CDH13: variants seen among roughly 807,000 people sequenced by gnomAD.
The protein encoded by CDH13 is cadherin-13.
In CDH13, 24 loss-of-function variants were observed where a neutral mutation model predicts 63.8. That is an observed-to-expected ratio of 0.38 (90% CI 0.27 to 0.53). CDH13 has a LOEUF of 0.53. Among genes scored for constraint, CDH13 ranks in the 20% least tolerant of loss-of-function variants. The pLI is 0.85. For synonymous variants in CDH13, 503 were observed against 355.3 expected (o/e 1.42, Z -4.67); for missense variants, 1,049 against 903.1 (o/e 1.16, Z -2.07).
intron 6 of CDH13, among the ~76,000 whole-genome samples, chr16:83,433,131 C>G (rs2072177265): frequency 6.6e-6 from 1 of 152,158 alleles, no homozygotes; most frequent in Non-Finnish European, 1.5e-5. Flanking sequence ...CTACTATGTG[C>G]CAGATACTAG....
chr16:83,611,113 A>C (rs1908819281), intron 8 of CDH13, among the ~76,000 whole-genome samples: 2 of 152,062 alleles, frequency 1.3e-5, no homozygotes, highest in African/African-American at 4.8e-5. Context: ...TACCTTTTCA[A>C]GTCTTTCAAC....
At chr16:83,461,796 G>T (rs1315661140) in intron 6 of CDH13, among the ~76,000 whole-genome samples, 1 of 152,192 alleles carries the variant, frequency 6.6e-6, no homozygotes, top group African/African-American at 2.4e-5. Flanking sequence ...CTCATCGGAG[G>T]GGAATGTATA....
chr16:82,636,466 G>C (rs1269838481), intron 1 of CDH13, among the ~76,000 whole-genome samples: 2 of 152,218 alleles, frequency 1.3e-5, no homozygotes, highest in African/African-American at 2.4e-5. Context: ...CAATCTCTGA[G>C]ACTTTTCATG....
chr16:83,410,926 A>G (rs1862828), intron 6 of CDH13, among the ~76,000 whole-genome samples: 132,412 of 152,134 alleles, frequency 0.87, 57,825 homozygotes, highest in Admixed American at 0.92. Context: ...TTACGATCCA[A>G]TCAACCTTTT....
intron 10 of CDH13, among the ~76,000 whole-genome samples, chr16:83,739,273 A>C (rs1911837342): frequency 6.6e-6 from 1 of 151,996 alleles, no homozygotes; most frequent in Non-Finnish European, 1.5e-5. Context: ...AAAAACCCTG[A>C]ATGTTGAGTC....
At chr16:83,282,451 G>T (rs553431761) in intron 5 of CDH13, among the ~76,000 whole-genome samples, 1 of 152,162 alleles carries the variant, frequency 6.6e-6, no homozygotes, top group Non-Finnish European at 1.5e-5. Flanking sequence ...AATAGGAGAA[G>T]CTAAAAATGT....
At chr16:82,867,444 T>G (rs964417218) in intron 2 of CDH13, among the ~76,000 whole-genome samples, 1 of 152,192 alleles carries the variant, frequency 6.6e-6, no homozygotes, top group African/African-American at 2.4e-5. Flanking sequence ...ATTAGCTTTT[T>G]CTATTCTGGA....
intron 8 of CDH13, among the ~76,000 whole-genome samples, chr16:83,624,495 T>C (rs1418733362): frequency 6.6e-6 from 1 of 152,116 alleles, no homozygotes. Flanking sequence ...TTAGATTCTC[T>C]TAAGAAACGT....
chr16:82,726,687 C>A (rs574230026), intron 1 of CDH13, among the ~76,000 whole-genome samples: 2 of 152,262 alleles, frequency 1.3e-5, no homozygotes, highest in South Asian at 4.1e-4. Flanking sequence ...CAGAGACTTC[C>A]TATGTTGGTA....
chr16:83,214,990 G>C (rs1243408750), intron 4 of CDH13, among the ~76,000 whole-genome samples: 1 of 151,238 alleles, frequency 6.6e-6, no homozygotes, highest in Non-Finnish European at 1.5e-5. Flanking sequence ...AGCAAGTAGA[G>C]GGGTCAGTGG....
intron 4 of CDH13, chr16:83,180,852 G>GTT (rs748562344): frequency 6.2e-5 from 76 of 1,225,610 alleles, no homozygotes; most frequent in Middle Eastern, 2.0e-4. Context: ...AACAAAATGT[G>GTT]TTTTTTTTTT....
chr16:83,327,439 G>C (rs1038988326), intron 5 of CDH13, among the ~76,000 whole-genome samples: 5 of 151,970 alleles, frequency 3.3e-5, no homozygotes, highest in African/African-American at 7.2e-5. Context: ...CTGTCCTCCA[G>C]AAAAAAGGGA....
intron 3 of CDH13, among the ~76,000 whole-genome samples, chr16:83,122,977 T>C (rs550438955): frequency 6.6e-6 from 1 of 152,168 alleles, no homozygotes; most frequent in Non-Finnish European, 1.5e-5. Flanking sequence ...CCACTCTGTA[T>C]GTTCACAAGT....
chr16:83,027,714 C>T (rs950333069), intron 2 of CDH13, among the ~76,000 whole-genome samples: 1 of 152,146 alleles, frequency 6.6e-6, no homozygotes, highest in Non-Finnish European at 1.5e-5. Context: ...GCCCCCAGTA[C>T]CCCACATTGC....
At chr16:83,128,787 A>G (rs1340303406) in intron 4 of CDH13, among the ~76,000 whole-genome samples, 1 of 152,160 alleles carries the variant, frequency 6.6e-6, no homozygotes, top group Non-Finnish European at 1.5e-5. Flanking sequence ...TACAGCTTCA[A>G]AAAGCAATTT....
intron 7 of CDH13, among the ~76,000 whole-genome samples, chr16:83,551,626 TTC>T (rs1406710168): frequency 4.6e-5 from 7 of 152,230 alleles, no homozygotes; most frequent in Admixed American, 3.3e-4. Flanking sequence ...ACATCCAAGC[TTC>T]TCTTTTTTTT....
At chr16:83,029,897 C>T (rs1412368728) in intron 2 of CDH13, among the ~76,000 whole-genome samples, 1 of 152,164 alleles carries the variant, frequency 6.6e-6, no homozygotes, top group Admixed American at 6.5e-5. Context: ...TAAGCCTGTT[C>T]AGCAGAGACC....
intron 11 of CDH13, among the ~76,000 whole-genome samples, chr16:83,757,725 G>C (rs1043797266): frequency 6.6e-6 from 1 of 152,044 alleles, no homozygotes. Flanking sequence ...AAGGGAAAAT[G>C]ACTATAGCCA....
chr16:82,855,237 C>T (rs114128824), intron 1 of CDH13, among the ~76,000 whole-genome samples: 34 of 152,184 alleles, frequency 2.2e-4, no homozygotes, highest in African/African-American at 8.2e-4. Context: ...CCTGAATGGG[C>T]CCTGCAAAGT....
Sources: gnomAD v4.1 joint callset for allele counts (sites outside exome capture counted in the v4.1 genomes callset) on GRCh38, gnomAD v4.1.1 for gene constraint, MANE v1.5 for transcripts, NCBI Gene and HGNC (gene_info 2026-07-23, HGNC 2026-07-21) for gene names.